ZNF69: variants seen among roughly 807,000 people sequenced by gnomAD.
ZNF69 encodes zinc finger protein 69.
A neutral mutation model predicts 50.9 loss-of-function variants in ZNF69; 47 were observed. The observed-to-expected ratio is 0.92, with a 90% CI of 0.73 to 1.18. The LOEUF (loss-of-function observed/expected upper bound fraction) is 1.18, where lower values mean the gene tolerates loss of function less well. ZNF69 is among the 50% of genes most tolerant of loss of function. The probability of loss-of-function intolerance (pLI) is 0.00; values close to 1 mark genes in which losing one functional copy is unlikely to be tolerated. For missense variants in ZNF69, 717 were observed against 675.1 expected (o/e 1.06, Z -0.69); for synonymous variants, 216 against 223.1 (o/e 0.97, Z 0.29).
At chr19:11,925,129 G>C in the ZNF69 span, 4 of 1,546,076 alleles carry the variant, frequency 2.6e-6, no homozygotes, top group African/African-American at 2.7e-5. Context: ...CGCTGCGCGG[G>C]CGGCGGTTGG....
At chr19:11,890,686 C>T (rs1281746712) in intron 1 of ZNF69, among the ~76,000 whole-genome samples, 2 of 152,174 alleles carry the variant, frequency 1.3e-5, no homozygotes. Context: ...TCTCGAACTC[C>T]TGACCTCAAG....
chr19:11,949,451 G>A, the ZNF69 span: 2 of 1,613,126 alleles, frequency 1.2e-6, no homozygotes, highest in Non-Finnish European at 1.7e-6. Flanking sequence ...CCCTATGAAT[G>A]TAAGGAATGT....
chr19:11,901,431 G>A (rs1160450669), intron 1 of ZNF69, among the ~76,000 whole-genome samples: 3 of 152,136 alleles, frequency 2.0e-5, no homozygotes, highest in African/African-American at 7.2e-5. Context: ...GGGAACACTA[G>A]GCATAAATTG....
rs140988158 is a variant in ZNF69, at chr19:11,904,752, G to C, written c.355G>C (p.Ala119Pro). Residue 119 changes from alanine (A) to proline (P), a missense_variant, in exon 4 of 4, where the codon GCT (alanine) becomes CCT (proline). Physicochemically the swap from Ala to Pro is conservative, Grantham distance 27. Transcript: ENST00000429654. ...DDRLNFQEKK[A>P]SPEIKSCDSF... The stretch of plus-strand genomic sequence containing the variant: ...CAGGCTGAACTTCCAGGAGAAGAAA[G>C]CTTCTCCTGAAATAAAATCATGTGA... The C allele has an allele frequency of 2.1e-3, 3,339 of 1,613,936 alleles. 82 individuals carry two copies. In the South Asian group the frequency reaches 0.029, roughly 14 times the overall value.
At chr19:11,904,576 G>A in intron 3 of ZNF69, 73 bp from the exon 4 acceptor site, 1 of 1,555,104 alleles carries the variant, frequency 6.4e-7, no homozygotes, top group Non-Finnish European at 8.7e-7. Context: ...AAAAATGCAA[G>A]TTCAGTACTT....
At chr19:11,924,945 G>A in the ZNF69 span, 4 of 416,648 alleles carry the variant, frequency 9.6e-6, no homozygotes, top group Admixed American at 1.1e-4. Context: ...CGCCCTTAGA[G>A]AAGCTGTGGC....
the ZNF69 span, among the ~76,000 whole-genome samples, chr19:11,971,610 A>C: frequency 1.2e-4 from 18 of 152,228 alleles, no homozygotes; most frequent in Non-Finnish European, 4.4e-5. Context: ...CGTATTTCAA[A>C]GAGGTTACAT....
chr19:11,922,765 C>T, the ZNF69 span, among the ~76,000 whole-genome samples: 1 of 152,076 alleles, frequency 6.6e-6, no homozygotes, highest in Non-Finnish European at 1.5e-5. Flanking sequence ...ACAATTAGAC[C>T]ATCCAAGGGG....
the ZNF69 span, chr19:11,979,005 A>G: frequency 1.2e-6 from 2 of 1,614,228 alleles, no homozygotes; most frequent in South Asian, 1.1e-5. Flanking sequence ...ACATGAAAGG[A>G]CCCACTCTGC....
the ZNF69 span, among the ~76,000 whole-genome samples, chr19:11,958,022 A>G: frequency 6.6e-6 from 1 of 152,332 alleles, no homozygotes; most frequent in East Asian, 1.9e-4. Context: ...CAAACGTGGC[A>G]CCATCTAATT....
the ZNF69 span, chr19:11,978,410 A>G: frequency 1.2e-5 from 19 of 1,614,088 alleles, no homozygotes; most frequent in Non-Finnish European, 1.5e-5. Flanking sequence ...TTAGAACACA[A>G]GAAAGGAATC....
At chr19:11,972,616 T>C in the ZNF69 span, among the ~76,000 whole-genome samples, 1 of 152,220 alleles carries the variant, frequency 6.6e-6, no homozygotes, top group Non-Finnish European at 1.5e-5. Context: ...TGATAACCAA[T>C]GTGTGATATT....
At position 11,905,797 on chromosome 19, in the gene ZNF69, C is replaced by T; in HGVS notation, c.1400C>T (p.Thr467Ile). ...CTTCAAAGTCATGAAAGGACACAAA[C>T]ACACGTAAGAATACACTCTGGAGAA... Reference protein sequence around the residue: ...KNLQSHERTQTHVRIHSGERP... With the variant: ...KNLQSHERTQIHVRIHSGERP... The change falls in exon 4 of 4, where the codon ACA (threonine) becomes ATA (isoleucine). Residue 467 changes from threonine to isoleucine, a missense_variant. Coordinates refer to ENST00000429654, the MANE Select transcript of ZNF69 (RefSeq NM_001364730.1). The T allele has an allele frequency of 1.9e-6, 3 of 1,613,540 alleles. No homozygotes were observed. Among genetic ancestry groups the T allele is most frequent in the Non-Finnish European group, 1.7e-6 (2 of 1,179,938 alleles).
At chr19:11,928,160 A>AT in the ZNF69 span, among the ~76,000 whole-genome samples, 3 of 151,830 alleles carry the variant, frequency 2.0e-5, no homozygotes, top group Non-Finnish European at 4.4e-5. Flanking sequence ...CTAATTTTTT[A>AT]TTTTTTACAG....
chr19:11,968,252 T>C, the ZNF69 span, among the ~76,000 whole-genome samples: 1 of 146,662 alleles, frequency 6.8e-6, no homozygotes, highest in African/African-American at 2.7e-5. Context: ...GGTACAATAA[T>C]TTAATTTTTT....
chr19:11,953,098 AAG>A, the ZNF69 span: 1 of 152,188 alleles, frequency 6.6e-6, no homozygotes, highest in Non-Finnish European at 1.5e-5. Flanking sequence ...AAAATTAAAA[AAG>A]AGTTGGGTGC....
the ZNF69 span, chr19:11,947,391 TAGAC>T: frequency 2.1e-5 from 33 of 1,606,628 alleles, no homozygotes; most frequent in Non-Finnish European, 2.6e-5. Flanking sequence ...ATTTTGAACA[TAGAC>T]AGGAAATACC....
At chr19:11,948,552 G>A in the ZNF69 span, 1 of 1,609,598 alleles carries the variant, frequency 6.2e-7, no homozygotes, top group Middle Eastern at 1.7e-4. Flanking sequence ...AAGCCTTCAG[G>A]TATCGCCCAT....
chr19:11,929,887 C>T, the ZNF69 span, among the ~76,000 whole-genome samples: 2 of 148,324 alleles, frequency 1.3e-5, no homozygotes, highest in African/African-American at 2.6e-5. Flanking sequence ...TTTATCTTTC[C>T]TAGACACAGA....
Sources: gnomAD v4.1 joint callset for allele counts (sites outside exome capture counted in the v4.1 genomes callset) on GRCh38, gnomAD v4.1.1 for gene constraint, MANE v1.5 for transcripts, NCBI Gene and HGNC (gene_info 2026-07-23, HGNC 2026-07-21) for gene names.